The following WDR7 variants were observed in gnomAD, a reference collection of about 807,000 sequenced individuals.
WDR7 encodes WD repeat domain 7.
In WDR7, 46 loss-of-function variants were observed where a neutral mutation model predicts 169.4. The observed-to-expected ratio is 0.27, with a 90% CI of 0.21 to 0.35. The LOEUF (loss-of-function observed/expected upper bound fraction) is 0.35. WDR7 is among the 10% of genes least tolerant of loss of function. The pLI is 1.00. For synonymous variants in WDR7, 612 were observed against 666.8 expected (o/e 0.92, Z 1.27); for missense variants, 1,534 against 1,859.3 (o/e 0.83, Z 3.22).
chr18:56,673,200 C>T (rs569259338), intron 2 of WDR7, among the ~76,000 whole-genome samples: 8 of 151,574 alleles, frequency 5.3e-5, no homozygotes, highest in African/African-American at 1.5e-4. Flanking sequence ...CACACTGATA[C>T]GTCTAATTCC....
intron 21 of WDR7, among the ~76,000 whole-genome samples, chr18:56,907,113 G>A (rs2046488896): frequency 6.6e-6 from 1 of 152,170 alleles, no homozygotes; most frequent in Non-Finnish European, 1.5e-5. Flanking sequence ...ATGGTATAAA[G>A]ATGTGCTACA....
intron 21 of WDR7, among the ~76,000 whole-genome samples, chr18:56,918,284 T>G (rs1426286218): frequency 6.6e-6 from 1 of 152,190 alleles, no homozygotes; most frequent in Non-Finnish European, 1.5e-5. Context: ...GAATTCCATC[T>G]TGTAACAAGT....
chr18:56,851,806 A>T (rs1269335007), intron 20 of WDR7, among the ~76,000 whole-genome samples: 1 of 152,194 alleles, frequency 6.6e-6, no homozygotes, highest in Non-Finnish European at 1.5e-5. Context: ...AAAGTTTAAC[A>T]TATTTTGAAT....
chr18:56,924,982 CTG>C (rs1206457045), intron 22 of WDR7, among the ~76,000 whole-genome samples: 1 of 152,196 alleles, frequency 6.6e-6, no homozygotes, highest in Non-Finnish European at 1.5e-5. Flanking sequence ...TCTTCTGTCT[CTG>C]TGAATTTGCC....
intron 14 of WDR7, among the ~76,000 whole-genome samples, chr18:56,744,723 G>T (rs1326274610): frequency 6.6e-6 from 1 of 152,130 alleles, no homozygotes; most frequent in Non-Finnish European, 1.5e-5. Context: ...AGGATTTTCT[G>T]ATTTAATTGG....
intron 25 of WDR7, among the ~76,000 whole-genome samples, chr18:56,948,048 TAATGA>T (rs1425753937): frequency 6.6e-6 from 1 of 152,118 alleles, no homozygotes; most frequent in Non-Finnish European, 1.5e-5. Context: ...GGTTTTTTTT[TAATGA>T]AATTGTAAGT....
chr18:56,934,300 A>G (rs1215976338), intron 22 of WDR7, among the ~76,000 whole-genome samples: 1 of 152,170 alleles, frequency 6.6e-6, no homozygotes, highest in Non-Finnish European at 1.5e-5. Context: ...CAGTTAGCCA[A>G]GTTTAATCCA....
At chr18:56,837,732 C>T (rs1012821816) in intron 20 of WDR7, among the ~76,000 whole-genome samples, 11 of 152,100 alleles carry the variant, frequency 7.2e-5, no homozygotes, top group Non-Finnish European at 1.5e-4. Flanking sequence ...GTGATCTCGG[C>T]TTACTGCAAC....
chr18:56,759,684 G>A (rs2043952427), intron 16 of WDR7, among the ~76,000 whole-genome samples: 1 of 152,146 alleles, frequency 6.6e-6, no homozygotes, highest in South Asian at 2.1e-4. Flanking sequence ...ATAGAGAAAA[G>A]TAAAGAAGTA....
chr18:56,998,332 CT>C (rs2047928403), intron 26 of WDR7, among the ~76,000 whole-genome samples: 1 of 152,138 alleles, frequency 6.6e-6, no homozygotes, highest in Non-Finnish European at 1.5e-5. Context: ...TGCCATCTCT[CT>C]GCACATATAT....
intron 21 of WDR7, among the ~76,000 whole-genome samples, chr18:56,892,638 A>G (rs79990060): frequency 0.014 from 2,121 of 152,210 alleles, 31 homozygotes; most frequent in East Asian, 0.036. Flanking sequence ...TAGAAATCGT[A>G]TGGCCTGCAA....
chr18:56,983,069 T>C (rs2047668347), intron 26 of WDR7, among the ~76,000 whole-genome samples: 1 of 152,180 alleles, frequency 6.6e-6, no homozygotes, highest in Non-Finnish European at 1.5e-5. Context: ...AGGTCTAAAA[T>C]TAAATAGGTC....
At chr18:56,671,291 GT>G (rs57573854) in intron 1 of WDR7, among the ~76,000 whole-genome samples, 97,242 of 118,944 alleles carry the variant, frequency 0.82, 41,181 homozygotes, top group Middle Eastern at 0.95. Flanking sequence ...TGAGCAAAGT[GT>G]TTTTTTTTTT....
At chr18:57,024,555 G>A (rs2957105) in intron 27 of WDR7, among the ~76,000 whole-genome samples, 1,623 of 16,776 alleles carry the variant, frequency 0.097, 66 homozygotes, top group Middle Eastern at 0.16. Flanking sequence ...GGATATGTGA[G>A]CTATGATAGT....
At chr18:56,691,652 A>G (rs536952032) in intron 8 of WDR7, 63 bp from the exon 9 acceptor site, 8 of 1,392,618 alleles carry the variant, frequency 5.7e-6, no homozygotes, top group South Asian at 5.6e-5. Flanking sequence ...ACCTTGTCAT[A>G]TGGAATTATA....
chr18:56,946,798 A>C (rs1409226770), intron 25 of WDR7, among the ~76,000 whole-genome samples: 1 of 152,226 alleles, frequency 6.6e-6, no homozygotes, highest in Non-Finnish European at 1.5e-5. Flanking sequence ...ATTATCAGCT[A>C]TGATTATTTT....
chr18:56,977,372 C>T (rs2047583046), intron 26 of WDR7, among the ~76,000 whole-genome samples: 1 of 152,176 alleles, frequency 6.6e-6, no homozygotes. Flanking sequence ...TGGAAGAGTG[C>T]AGGATAAGCC....
At chr18:56,813,872 A>G (rs1305944871) in intron 19 of WDR7, among the ~76,000 whole-genome samples, 2 of 152,110 alleles carry the variant, frequency 1.3e-5, no homozygotes, top group Non-Finnish European at 2.9e-5. Context: ...TTTGTTCCTT[A>G]AGCTCTGTTC....
At chr18:56,845,127 A>G (rs948232413) in intron 20 of WDR7, among the ~76,000 whole-genome samples, 3 of 152,108 alleles carry the variant, frequency 2.0e-5, no homozygotes, top group African/African-American at 7.2e-5. Context: ...CCTCTTGTAT[A>G]GATACAATGA....
Sources: gnomAD v4.1 joint callset for allele counts (sites outside exome capture counted in the v4.1 genomes callset) on GRCh38, gnomAD v4.1.1 for gene constraint, MANE v1.5 for transcripts, NCBI Gene and HGNC (gene_info 2026-07-23, HGNC 2026-07-21) for gene names.